Variants in PDE1C observed in about 807,000 individuals in gnomAD.
PDE1C encodes dual specificity calcium/calmodulin-dependent 3',5'-cyclic nucleotide phosphodiesterase 1C.
In PDE1C, 62 loss-of-function variants were observed where a neutral mutation model predicts 93.1. That is an observed-to-expected ratio of 0.67 (90% confidence interval 0.54 to 0.82). The LOEUF (loss-of-function observed/expected upper bound fraction) is 0.82. Ranked by LOEUF, PDE1C falls within the 40% of genes least tolerant of loss-of-function variation. PDE1C has a pLI of 0.00. For synonymous variants in PDE1C, 325 were observed against 310.1 expected (o/e 1.05, Z -0.50); for missense variants, 742 against 884.6 (o/e 0.84, Z 2.04).
chr7:31,939,964 T>C (rs1476943565), intron 2 of PDE1C, among the ~76,000 whole-genome samples: 2 of 152,142 alleles, frequency 1.3e-5, no homozygotes, highest in South Asian at 2.1e-4. Flanking sequence ...AGATGTGCAG[T>C]GCAGAATCTG....
chr7:32,309,264 T>A (rs1307632166), intron 1 of PDE1C, among the ~76,000 whole-genome samples: 1 of 152,162 alleles, frequency 6.6e-6, no homozygotes, highest in African/African-American at 2.4e-5. Context: ...AGACTAAACC[T>A]ACGTCTGATT....
At chr7:32,355,171 A>T (rs1784007792) in intron 1 of PDE1C, among the ~76,000 whole-genome samples, 1 of 152,198 alleles carries the variant, frequency 6.6e-6, no homozygotes, top group Non-Finnish European at 1.5e-5. Flanking sequence ...GAGCTGGCTC[A>T]AGTAAAGGGA....
chr7:32,330,461 A>G (rs1290195690), intron 1 of PDE1C, among the ~76,000 whole-genome samples: 1 of 152,238 alleles, frequency 6.6e-6, no homozygotes, highest in Non-Finnish European at 1.5e-5. Context: ...TGGGGAAAAC[A>G]TCAAATTAAT....
At chr7:32,143,985 G>A (rs1204387973) in intron 3 of PDE1C, among the ~76,000 whole-genome samples, 1 of 152,138 alleles carries the variant, frequency 6.6e-6, no homozygotes. Flanking sequence ...ACCCAGACCT[G>A]GACAGATAAA....
chr7:31,699,850 T>C, the PDE1C span, among the ~76,000 whole-genome samples: 6 of 152,188 alleles, frequency 3.9e-5, no homozygotes, highest in Non-Finnish European at 7.3e-5. Flanking sequence ...TTGATGTTAC[T>C]ATTGTAATTG....
chr7:31,888,395 A>C (rs1394791944), intron 2 of PDE1C, among the ~76,000 whole-genome samples: 1 of 152,078 alleles, frequency 6.6e-6, no homozygotes, highest in Non-Finnish European at 1.5e-5. Flanking sequence ...CTTAAGTAGC[A>C]ACAAACTCAC....
At chr7:31,723,463 A>C in the PDE1C span, among the ~76,000 whole-genome samples, 1 of 152,188 alleles carries the variant, frequency 6.6e-6, no homozygotes, top group East Asian at 1.9e-4. Flanking sequence ...ACTCAGAGGC[A>C]CTAAGTTCCA....
chr7:31,941,723 G>A (rs997761806), intron 2 of PDE1C: 2 of 152,252 alleles, frequency 1.3e-5, no homozygotes, highest in Non-Finnish European at 2.9e-5. Flanking sequence ...CAGGGAATCT[G>A]GCTTCTAATT....
At chr7:31,983,404 T>A (rs929760772) in intron 2 of PDE1C, among the ~76,000 whole-genome samples, 15 of 152,130 alleles carry the variant, frequency 9.9e-5, no homozygotes, top group Non-Finnish European at 2.1e-4. Flanking sequence ...TCATTTAAGA[T>A]CAATTCATGG....
At chr7:31,902,210 C>T (rs1252843588) in intron 2 of PDE1C, among the ~76,000 whole-genome samples, 1 of 150,966 alleles carries the variant, frequency 6.6e-6, no homozygotes, top group Admixed American at 6.6e-5. Context: ...AACAAAGTAT[C>T]ATTTCTAAGA....
chr7:32,414,295 TA>T (rs1039955239), intron 1 of PDE1C, among the ~76,000 whole-genome samples: 1 of 151,572 alleles, frequency 6.6e-6, no homozygotes, highest in Non-Finnish European at 1.5e-5. Context: ...GAACACTCAT[TA>T]AAAAAAGATG....
intron 2 of PDE1C, among the ~76,000 whole-genome samples, chr7:32,015,685 C>A (rs762744485): frequency 6.6e-6 from 1 of 151,648 alleles, no homozygotes; most frequent in Non-Finnish European, 1.5e-5. Flanking sequence ...TTCTATACAT[C>A]AAAAAATTCC....
upstream of PDE1C, among the ~76,000 whole-genome samples, chr7:32,300,623 T>C (rs1360050494): frequency 5.3e-5 from 8 of 152,152 alleles, no homozygotes; most frequent in Admixed American, 3.3e-4. Flanking sequence ...TAGGAGTAAG[T>C]GCATAAAACC....
At chr7:32,053,289 G>C (rs747210936) in intron 1 of PDE1C, among the ~76,000 whole-genome samples, 2 of 152,110 alleles carry the variant, frequency 1.3e-5, no homozygotes, top group African/African-American at 2.4e-5. Context: ...TCTTTGTGTG[G>C]TTTACCTCAT....
intron 1 of PDE1C, among the ~76,000 whole-genome samples, chr7:32,223,344 G>A (rs562373104): frequency 6.6e-6 from 1 of 152,298 alleles, no homozygotes; most frequent in South Asian, 2.1e-4. Flanking sequence ...TTTGTAACAG[G>A]GCTTTGTAAC....
intron 1 of PDE1C, among the ~76,000 whole-genome samples, chr7:32,233,269 C>T (rs748549101): frequency 2.2e-4 from 33 of 151,732 alleles, no homozygotes; most frequent in African/African-American, 5.3e-4. Flanking sequence ...GAAAGGGAAA[C>T]GAGAAACAAC....
the PDE1C span, among the ~76,000 whole-genome samples, chr7:31,688,645 C>T: frequency 2.6e-5 from 4 of 152,198 alleles, no homozygotes; most frequent in Non-Finnish European, 4.4e-5. Flanking sequence ...TATTGCTGCT[C>T]TTAGTGGTAT....
At chr7:32,418,995 C>G (rs1363043094) in intron 1 of PDE1C, among the ~76,000 whole-genome samples, 1 of 152,154 alleles carries the variant, frequency 6.6e-6, no homozygotes, top group Non-Finnish European at 1.5e-5. Flanking sequence ...ACTGAGGTCT[C>G]TTAGGAAGAT....
the PDE1C span, among the ~76,000 whole-genome samples, chr7:31,662,081 T>C: frequency 6.6e-6 from 1 of 152,214 alleles, no homozygotes. Flanking sequence ...TCATCACTTT[T>C]ACTTTTGTAG....
Sources: gnomAD v4.1 joint callset for allele counts (sites outside exome capture counted in the v4.1 genomes callset) on GRCh38, gnomAD v4.1.1 for gene constraint, MANE v1.5 for transcripts, NCBI Gene and HGNC (gene_info 2026-07-23, HGNC 2026-07-21) for gene names.